Variants in ZFHX3 observed in about 807,000 individuals in gnomAD.
ZFHX3 encodes the protein zinc finger homeobox 3.
Under a neutral mutation model 279.1 loss-of-function variants are expected in ZFHX3, and 42 were observed. The ratio of observed to expected loss-of-function variants is 0.15; its 90% confidence interval spans 0.12 to 0.19. The LOEUF (loss-of-function observed/expected upper bound fraction) is 0.19. ZFHX3 is among the 10% of genes least tolerant of loss of function. The probability of loss-of-function intolerance (pLI) is 1.00; values close to 1 mark genes in which losing one functional copy is unlikely to be tolerated. For synonymous variants in ZFHX3, 2,293 were observed against 1,957.8 expected (o/e 1.17, Z -4.52); for missense variants, 4,981 against 4,754.0 (o/e 1.05, Z -1.40).
chr16:73,298,528 TC>T (rs1555508637), intron 4 of ZFHX3, among the ~76,000 whole-genome samples: 1 of 142,536 alleles, frequency 7.0e-6, no homozygotes, highest in Non-Finnish European at 1.5e-5. Context: ...ACTTCTTTAA[TC>T]AACAATTTTA....
chr16:72,913,153 G>A (rs533541802), intron 3 of ZFHX3, among the ~76,000 whole-genome samples: 3 of 152,330 alleles, frequency 2.0e-5, no homozygotes, highest in African/African-American at 4.8e-5. Flanking sequence ...TCACACAGCT[G>A]CCTCTAATGT....
chr16:73,423,676 G>T (rs912498587), intron 3 of ZFHX3, among the ~76,000 whole-genome samples: 2 of 152,112 alleles, frequency 1.3e-5, no homozygotes, highest in Admixed American at 6.5e-5. Flanking sequence ...AGCCTGGCCA[G>T]CATGGCACAA....
At chr16:73,567,301 T>TTCTA (rs1166297262) in intron 2 of ZFHX3, among the ~76,000 whole-genome samples, 1 of 151,660 alleles carries the variant, frequency 6.6e-6, no homozygotes, top group African/African-American at 2.4e-5. Context: ...CATGCTAAGA[T>TTCTA]TCTAGGTAGA....
chr16:72,914,382 A>G (rs1213097364), intron 3 of ZFHX3, among the ~76,000 whole-genome samples: 1 of 152,204 alleles, frequency 6.6e-6, no homozygotes, highest in East Asian at 1.9e-4. Context: ...AGACCACGAT[A>G]CTTACTCCCA....
chr16:73,033,031 C>A (rs909436118), intron 1 of ZFHX3, among the ~76,000 whole-genome samples: 2 of 152,116 alleles, frequency 1.3e-5, no homozygotes, highest in African/African-American at 2.4e-5. Flanking sequence ...AAAACAGAAG[C>A]CAGGCTCTCA....
chr16:73,252,601 C>T (rs2013543085), intron 5 of ZFHX3, among the ~76,000 whole-genome samples: 1 of 152,034 alleles, frequency 6.6e-6, no homozygotes, highest in Non-Finnish European at 1.5e-5. Flanking sequence ...AGTCAGAGCC[C>T]CATGCAGAAG....
intron 1 of ZFHX3, among the ~76,000 whole-genome samples, chr16:73,716,709 G>A (rs779496767): frequency 4.6e-5 from 7 of 152,106 alleles, no homozygotes; most frequent in East Asian, 1.9e-4. Context: ...CGGTCCGAGC[G>A]TGCAGGGCCT....
At chr16:73,843,186 A>G (rs949700793) in intron 1 of ZFHX3, among the ~76,000 whole-genome samples, 7 of 152,276 alleles carry the variant, frequency 4.6e-5, no homozygotes, top group African/African-American at 1.7e-4. Flanking sequence ...AGACAAGAAC[A>G]AACAATTTGA....
intron 3 of ZFHX3, among the ~76,000 whole-genome samples, chr16:72,894,242 G>A (rs996164106): frequency 1.7e-4 from 26 of 151,984 alleles, no homozygotes; most frequent in African/African-American, 6.0e-4. Flanking sequence ...ACTTCTGCTT[G>A]GGTCTACTAT....
At chr16:72,851,817 C>T (rs2037625654) in intron 4 of ZFHX3, among the ~76,000 whole-genome samples, 1 of 152,176 alleles carries the variant, frequency 6.6e-6, no homozygotes. Flanking sequence ...TCCCAAAGTG[C>T]TGAGATTACA....
intron 8 of ZFHX3, among the ~76,000 whole-genome samples, chr16:73,074,787 T>C (rs563177823): frequency 4.0e-5 from 6 of 151,388 alleles, no homozygotes; most frequent in South Asian, 4.2e-4. Flanking sequence ...TCCTTTTTTC[T>C]TTTTCTTTTC....
intron 8 of ZFHX3, among the ~76,000 whole-genome samples, chr16:73,081,077 T>C (rs1243505086): frequency 6.6e-6 from 1 of 152,198 alleles, no homozygotes; most frequent in East Asian, 1.9e-4. Context: ...ATCAAAAATC[T>C]TTTGAATTCT....
intron 3 of ZFHX3, among the ~76,000 whole-genome samples, chr16:73,352,509 G>C (rs1176859147): frequency 8.8e-6 from 1 of 113,160 alleles, no homozygotes; most frequent in Non-Finnish European, 1.7e-5. Flanking sequence ...TTTGGAGACA[G>C]AGTCTGTCAC....
chr16:73,190,009 C>G (rs2144887536), intron 5 of ZFHX3, among the ~76,000 whole-genome samples: 1 of 152,280 alleles, frequency 6.6e-6, no homozygotes, highest in Non-Finnish European at 1.5e-5. Context: ...ATGGGCTCAC[C>G]AACATCTCAC....
At chr16:72,867,799 C>G (rs944428210) in intron 4 of ZFHX3, among the ~76,000 whole-genome samples, 4 of 152,060 alleles carry the variant, frequency 2.6e-5, no homozygotes, top group Non-Finnish European at 5.9e-5. Flanking sequence ...CAGCTTTCCT[C>G]TTCTAATGAT....
At chr16:72,893,890 C>T (rs190710431) in intron 3 of ZFHX3, among the ~76,000 whole-genome samples, 1 of 152,254 alleles carries the variant, frequency 6.6e-6, no homozygotes, top group African/African-American at 2.4e-5. Flanking sequence ...TGGCTCACAC[C>T]TGTAAACCCA....
At chr16:73,842,874 G>A (rs1961349242) in intron 1 of ZFHX3, among the ~76,000 whole-genome samples, 1 of 152,090 alleles carries the variant, frequency 6.6e-6, no homozygotes, top group African/African-American at 2.4e-5. Context: ...ATGACCCACG[G>A]AAGGCACCGC....
chr16:73,785,118 A>G (rs913972824), intron 1 of ZFHX3, among the ~76,000 whole-genome samples: 6 of 152,218 alleles, frequency 3.9e-5, no homozygotes, highest in Non-Finnish European at 8.8e-5. Context: ...ATGAACACAC[A>G]TAACATTCTC....
intron 3 of ZFHX3, among the ~76,000 whole-genome samples, chr16:72,907,541 C>G (rs1016135656): frequency 1.0e-4 from 12 of 117,192 alleles, no homozygotes; most frequent in African/African-American, 4.5e-4. Context: ...AAGGTTTCCT[C>G]TATTTGTGTG....
Sources: allele counts gnomAD v4.1 joint callset (sites outside exome capture counted in the v4.1 genomes callset), GRCh38; gene constraint gnomAD v4.1.1; transcripts MANE v1.5; gene names NCBI Gene and HGNC (gene_info 2026-07-23, HGNC 2026-07-21).